The following RGL1 variants were observed in gnomAD, a reference collection of about 807,000 sequenced individuals.
RGL1 encodes the protein ral guanine nucleotide dissociation stimulator like 1.
A neutral mutation model predicts 95.2 loss-of-function variants in RGL1; 24 were observed. The ratio of observed to expected loss-of-function variants is 0.25; its 90% CI spans 0.18 to 0.35. RGL1 has a LOEUF of 0.35. Among genes scored for constraint, RGL1 ranks in the 10% least tolerant of loss-of-function variants. The pLI, the probability that RGL1 is intolerant of heterozygous loss-of-function variation, is 1.00. For missense variants in RGL1, 715 were observed against 936.3 expected (o/e 0.76, Z 3.08); for synonymous variants, 329 against 344.9 (o/e 0.95, Z 0.51).
chr1:183,884,988 T>G, intron 7 of RGL1, 50 bp downstream of exon 7: 1 of 1,486,202 alleles, frequency 6.7e-7, no homozygotes, highest in Non-Finnish European at 9.3e-7. Flanking sequence ...TGCAAGAGAC[T>G]GCTCCATCAC....
intron 1 of RGL1, among the ~76,000 whole-genome samples, chr1:183,669,929 G>A (rs1392812265): frequency 1.3e-5 from 2 of 152,164 alleles, no homozygotes; most frequent in African/African-American, 4.8e-5. Context: ...ACAGCAGCAT[G>A]GGGGTAACCA....
In RGL1 at chr1:183,871,541, A is replaced by G. The variant is rs1666183846; in HGVS notation, c.425+5468A>G. 2.6e-5 allele frequency among the ~76,000 whole-genome samples: 4 copies of G among 152,194 alleles called. No individual in the cohort carries two copies. The South Asian group carries it at 8.3e-4, about 32-fold the overall frequency. On this transcript the variant is annotated intron_variant, in intron 4 of 17. Transcript: ENST00000360851. Reference sequence around the variant, plus strand: ...TTAACCATGAACAGAAAAATGCCCAAATATTGTTTGTTTTCCCGTTTTAGC... The same window carrying G: ...TTAACCATGAACAGAAAAATGCCCAGATATTGTTTGTTTTCCCGTTTTAGC...
At chr1:183,799,525 CT>C (rs1052935559) in intron 2 of RGL1, among the ~76,000 whole-genome samples, 3 of 152,106 alleles carry the variant, frequency 2.0e-5, no homozygotes, top group African/African-American at 7.2e-5. Context: ...ATATCTCATT[CT>C]GGTTTTGTTG....
intron 2 of RGL1, among the ~76,000 whole-genome samples, chr1:183,772,503 G>A (rs1659334783): frequency 6.6e-6 from 1 of 152,180 alleles, no homozygotes; most frequent in African/African-American, 2.4e-5. Flanking sequence ...GGGTGTCTGG[G>A]AAAGTTAGTA....
chr1:183,759,296 G>T (rs1658525061), intron 2 of RGL1, among the ~76,000 whole-genome samples: 1 of 152,172 alleles, frequency 6.6e-6, no homozygotes, highest in African/African-American at 2.4e-5. Flanking sequence ...CCACGGCAGG[G>T]AGAATGTTTG....
At chr1:183,676,150 AAAT>A (rs1427641792) in intron 1 of RGL1, among the ~76,000 whole-genome samples, 2 of 152,200 alleles carry the variant, frequency 1.3e-5, no homozygotes, top group African/African-American at 2.4e-5. Context: ...CTCTAAAAAC[AAAT>A]AATAATAAAT....
chr1:183,726,626 A>G (rs180686938), intron 1 of RGL1, among the ~76,000 whole-genome samples: 50 of 152,302 alleles, frequency 3.3e-4, no homozygotes, highest in Admixed American at 2.4e-3. Flanking sequence ...GTAATTAGAA[A>G]TCTTTCCATA....
chr1:183,811,018 C>T (rs1357540650), intron 2 of RGL1, among the ~76,000 whole-genome samples: 2 of 152,184 alleles, frequency 1.3e-5, no homozygotes, highest in African/African-American at 2.4e-5. Context: ...GGTCATGCCT[C>T]ATCCTTCTTT....
intron 1 of RGL1, among the ~76,000 whole-genome samples, chr1:183,719,403 A>G (rs777127438): frequency 8.5e-5 from 13 of 152,130 alleles, no homozygotes; most frequent in Non-Finnish European, 1.5e-4. Context: ...GTGTACCTCT[A>G]GAGTGTAGGG....
intron 2 of RGL1, among the ~76,000 whole-genome samples, chr1:183,839,067 A>G (rs958819242): frequency 6.6e-6 from 1 of 152,232 alleles, no homozygotes; most frequent in Non-Finnish European, 1.5e-5. Context: ...AAATGCCATC[A>G]TAGATCAGAC....
chr1:183,723,508 G>T (rs1656136895), intron 1 of RGL1, among the ~76,000 whole-genome samples: 1 of 152,230 alleles, frequency 6.6e-6, no homozygotes, highest in East Asian at 1.9e-4. Flanking sequence ...TTGCGGGAGG[G>T]AGAGTACAGT....
intron 1 of RGL1, among the ~76,000 whole-genome samples, chr1:183,679,971 G>C (rs1303623473): frequency 6.6e-6 from 1 of 152,172 alleles, no homozygotes; most frequent in African/African-American, 2.4e-5. Flanking sequence ...GACCAGTGAT[G>C]ATGAGCTTTT....
intron 14 of RGL1, among the ~76,000 whole-genome samples, chr1:183,907,931 G>A (rs886700884): frequency 1.3e-5 from 2 of 152,040 alleles, no homozygotes; most frequent in Non-Finnish European, 2.9e-5. Flanking sequence ...CAGGAGTTCA[G>A]TGTTACAGTG....
Position 183,922,520 on chromosome 1 carries a change from C to G in RGL1, c.2119+184C>G, listed in dbSNP as rs140269814. Among the ~76,000 whole-genome samples, 310 of 152,300 alleles carry G rather than the reference C, an allele frequency of 2.0e-3. 2 individuals carry two copies. Among genetic ancestry groups the G allele is most frequent in the Middle Eastern group, 0.01 (3 of 294 alleles). ...ACCTCACTTGTGGAATTAAGTATCT[C>G]AAACCGCTCTCCGATTCCCCAGCTC... On this transcript the variant is annotated intron_variant, in intron 17 of 17. Transcript: ENST00000360851.
At chr1:183,840,094 G>GTGA (rs997291156) in intron 2 of RGL1, among the ~76,000 whole-genome samples, 3 of 152,192 alleles carry the variant, frequency 2.0e-5, no homozygotes, top group Non-Finnish European at 2.9e-5. Flanking sequence ...AGCAAGGCCT[G>GTGA]TCTGTTCAGA....
At position 183,828,383 on chromosome 1, in the gene RGL1, T is replaced by C. The variant is rs145218866; in HGVS notation, c.139-19183T>C. On this transcript the variant is annotated intron_variant, in intron 2 of 17. Coordinates refer to ENST00000360851, the MANE Select transcript of RGL1 (RefSeq NM_001297671.3). ...TTGACTTGTTGCTGAGTTTGTGATT[T>C]ATTTACAGCATCTGACATGGAGTAG... Among the ~76,000 whole-genome samples the C allele has an allele frequency of 3.4e-3, 516 of 152,342 alleles. 3 individuals carry two copies. Among genetic ancestry groups the C allele is most frequent in the Admixed American group, 6.0e-3 (92 of 15,298 alleles).
At chr1:183,663,834 C>T (rs569734732) in intron 1 of RGL1, among the ~76,000 whole-genome samples, 68 of 151,066 alleles carry the variant, frequency 4.5e-4, no homozygotes, top group Admixed American at 3.3e-4. Flanking sequence ...CAACGATAGA[C>T]TGGATTAAGA....
At chr1:183,804,209 T>TTTA (rs202086798), upstream of RGL1, among the ~76,000 whole-genome samples, 1 of 151,498 alleles carries the variant, frequency 6.6e-6, no homozygotes, top group Non-Finnish European at 1.5e-5. Flanking sequence ...TTTTTTTTTT[T>TTTA]ATTTGAAGGT....
At chr1:183,636,390 A>G in exon 1 of RGL1, 1 of 389,026 alleles carries the variant, frequency 2.6e-6, no homozygotes, top group East Asian at 3.7e-5. Flanking sequence ...CTGGGATTGG[A>G]ACTACCCTTC....
Sources: gnomAD v4.1 joint callset for allele counts (sites outside exome capture counted in the v4.1 genomes callset) on GRCh38, gnomAD v4.1.1 for gene constraint, MANE v1.5 for transcripts, NCBI Gene and HGNC (gene_info 2026-07-23, HGNC 2026-07-21) for gene names.